CCDC7: variants seen among roughly 807,000 people sequenced by gnomAD.
CCDC7 encodes the protein coiled-coil domain-containing protein 7.
A neutral mutation model predicts 196.9 loss-of-function variants in CCDC7; 183 were observed. That is an observed-to-expected ratio of 0.93 (90% CI 0.82 to 1.05). The LOEUF is 1.05. Ranked by LOEUF, CCDC7 falls within the 50% of genes least tolerant of loss-of-function variation. The pLI is 0.00. For missense variants in CCDC7, 1,540 were observed against 1,482.2 expected (o/e 1.04, Z -0.64); for synonymous variants, 525 against 484.6 (o/e 1.08, Z -1.10).
chr10:32,871,516 G>T (rs145449229), intron 41 of CCDC7, among the ~76,000 whole-genome samples: 1 of 148,102 alleles, frequency 6.8e-6, no homozygotes, highest in African/African-American at 2.6e-5. Context: ...TCTTGCTAGC[G>T]GTCTGTCAAT....
In CCDC7 at chr10:32,876,345, A is replaced by G. The variant is rs1190281058; in HGVS notation, c.4112-2A>G. 1.5e-5 allele frequency: 24 copies of G among 1,607,452 alleles called. No homozygotes were observed. Among genetic ancestry groups the G allele is most frequent in the Non-Finnish European group, 2.0e-5 (23 of 1,176,228 alleles). On this transcript the variant is annotated splice_acceptor_variant, in intron 41 of 41. Coordinates refer to ENST00000639629, the Ensembl canonical transcript of CCDC7. LOFTEE classifies it high-confidence loss of function. ...CAATTAACACATAACTTTTCTTTAA[A>G]GTGTTACATGCTGCTGCCCGAAAAT...
chr10:32,487,653 A>G, intron 8 of CCDC7, among the ~76,000 whole-genome samples: 1 of 152,098 alleles, frequency 6.6e-6, no homozygotes, highest in Non-Finnish European at 1.5e-5. Context: ...TGACTTACAG[A>G]TGGGGTTTTG....
At chr10:32,590,802 A>T (rs949408957) in intron 18 of CCDC7, among the ~76,000 whole-genome samples, 7 of 152,110 alleles carry the variant, frequency 4.6e-5, no homozygotes, top group African/African-American at 1.7e-4. Context: ...AATATGTCCT[A>T]CTACTCTCTC....
intron 9 of CCDC7, among the ~76,000 whole-genome samples, chr10:32,507,331 A>C (rs2045357109): frequency 1.3e-5 from 2 of 151,688 alleles, no homozygotes; most frequent in South Asian, 4.2e-4. Flanking sequence ...TGTGGGCAGC[A>C]TGTAGTTGGG....
At chr10:32,459,646 ATTTTTTTTT>A (rs60002951) in intron 3 of CCDC7, among the ~76,000 whole-genome samples, 64 of 68,736 alleles carry the variant, frequency 9.3e-4, no homozygotes, top group Non-Finnish European at 1.1e-3. Context: ...CCTGCTGCAC[ATTTTTTTTT>A]TTTTTTTTTT....
chr10:32,834,854 A>T (rs778947820), exon 33 of CCDC7: 3 of 1,469,228 alleles, frequency 2.0e-6, no homozygotes, highest in South Asian at 1.1e-5. Context: ...AATGGAAAAG[A>T]TATAATAAAG....
rs539821301 is a variant in CCDC7, at chr10:32,560,558, A to T, written c.1135-5000A>T. On this transcript the variant is annotated intron_variant, in intron 13 of 41. Transcript: ENST00000639629. ...AAAGAATTTTCACCCAGAATTTCATATCCAGCCAAACTAAGCTTCATAAGT... is the reference window on the plus strand; with the variant it reads ...AAAGAATTTTCACCCAGAATTTCATTTCCAGCCAAACTAAGCTTCATAAGT... 5.4e-4 allele frequency among the ~76,000 whole-genome samples: 83 copies of T among 152,382 alleles called. 1 individual carries two copies. The Middle Eastern group carries it at 0.02, about 37-fold the overall frequency.
chr10:32,543,314 A>G (rs2051831150), exon 12 of CCDC7: 2 of 1,451,948 alleles, frequency 1.4e-6, no homozygotes, highest in Non-Finnish European at 1.8e-6. Flanking sequence ...CTAAGCCTAC[A>G]AATAATCGAA....
chr10:32,461,864 C>T (rs1214229919), intron 3 of CCDC7, among the ~76,000 whole-genome samples: 4 of 150,766 alleles, frequency 2.7e-5, no homozygotes, highest in Non-Finnish European at 5.9e-5. Flanking sequence ...CTCCGCCTCC[C>T]GGGTTCAAGT....
chr10:32,650,104 G>T (rs1272513798), intron 20 of CCDC7, among the ~76,000 whole-genome samples: 3 of 152,116 alleles, frequency 2.0e-5, no homozygotes, highest in Non-Finnish European at 2.9e-5. Flanking sequence ...AATTACCAGG[G>T]TCCTTGTCCT....
intron 31 of CCDC7, among the ~76,000 whole-genome samples, chr10:32,820,399 T>C (rs1224143355): frequency 2.0e-5 from 3 of 152,098 alleles, no homozygotes; most frequent in African/African-American, 7.2e-5. Context: ...CCCAAGGTAA[T>C]TTACAGATTC....
chr10:32,585,951 C>A (rs914663776), intron 18 of CCDC7, among the ~76,000 whole-genome samples: 36 of 152,310 alleles, frequency 2.4e-4, no homozygotes, highest in African/African-American at 8.4e-4. Context: ...AATCGCCACA[C>A]TGTCTTCCAC....
chr10:32,515,580 G>A (rs1275699631), intron 9 of CCDC7, among the ~76,000 whole-genome samples: 1 of 152,056 alleles, frequency 6.6e-6, no homozygotes, highest in Non-Finnish European at 1.5e-5. Context: ...GTCTCGCTCT[G>A]TCGCTCAGGC....
intron 33 of CCDC7, among the ~76,000 whole-genome samples, chr10:32,843,580 A>G (rs1466453891): frequency 6.6e-6 from 1 of 152,054 alleles, no homozygotes; most frequent in Non-Finnish European, 1.5e-5. Context: ...TAAAGCAATG[A>G]GAGGATACTG....
intron 33 of CCDC7, among the ~76,000 whole-genome samples, chr10:32,839,538 A>G (rs1276894241): frequency 3.3e-5 from 5 of 151,626 alleles, no homozygotes; most frequent in African/African-American, 1.2e-4. Flanking sequence ...AAGAAATGAG[A>G]TGACACAATA....
At chr10:32,453,497 A>C (rs1288995744) in intron 2 of CCDC7, 61 bp downstream of exon 3, 28 of 1,130,242 alleles carry the variant, frequency 2.5e-5, no homozygotes, top group Non-Finnish European at 2.1e-5. Context: ...TTTTCTTTTT[A>C]AAAATATAAA....
At chr10:32,789,360 A>T (rs2082337451) in intron 29 of CCDC7, among the ~76,000 whole-genome samples, 1 of 152,058 alleles carries the variant, frequency 6.6e-6, no homozygotes, top group Non-Finnish European at 1.5e-5. Flanking sequence ...TCAGGAAAAT[A>T]AGCAAAATGA....
chr10:32,791,187 C>G (rs1195841319), intron 29 of CCDC7, among the ~76,000 whole-genome samples: 1 of 151,938 alleles, frequency 6.6e-6, no homozygotes, highest in East Asian at 1.9e-4. Flanking sequence ...TACCTGGAAC[C>G]GCAGCCACCA....
At chr10:32,707,674 A>G (rs2080030172) in intron 24 of CCDC7, among the ~76,000 whole-genome samples, 2 of 152,206 alleles carry the variant, frequency 1.3e-5, no homozygotes, top group African/African-American at 4.8e-5. Flanking sequence ...CTACACACCA[A>G]TAACAGACAA....
Sources: gnomAD v4.1 joint callset for allele counts (sites outside exome capture counted in the v4.1 genomes callset) on GRCh38, gnomAD v4.1.1 for gene constraint, MANE v1.5 for transcripts, NCBI Gene and HGNC (gene_info 2026-07-23, HGNC 2026-07-21) for gene names.